The following TBCE variants were observed in gnomAD, a reference collection of about 807,000 sequenced individuals.
TBCE encodes tubulin-specific chaperone E.
Under a neutral mutation model 77.0 loss-of-function variants are expected in TBCE, and 53 were observed. That is an observed-to-expected ratio of 0.69 (90% CI 0.55 to 0.87). The LOEUF is 0.87. TBCE is among the 40% of genes least tolerant of loss of function. The pLI, the probability that TBCE is intolerant of heterozygous loss-of-function variation, is 0.00. For missense variants in TBCE, 624 were observed against 622.4 expected (o/e 1.00, Z -0.03); for synonymous variants, 235 against 241.3 (o/e 0.97, Z 0.24).
At chr1:235,390,501 C>T (rs1678312290) in intron 2 of TBCE, among the ~76,000 whole-genome samples, 3 of 152,082 alleles carry the variant, frequency 2.0e-5, no homozygotes, top group Admixed American at 2.0e-4. Flanking sequence ...CCTGTAGTCC[C>T]AGCACTTTGG....
intron 2 of TBCE, among the ~76,000 whole-genome samples, chr1:235,392,944 A>C (rs1678482817): frequency 6.6e-6 from 1 of 151,814 alleles, no homozygotes; most frequent in Non-Finnish European, 1.5e-5. Flanking sequence ...TGAGCCCATA[A>C]GTTCATGGCT....
At chr1:235,376,772 G>A (rs1011289623) in intron 1 of TBCE, among the ~76,000 whole-genome samples, 11 of 152,084 alleles carry the variant, frequency 7.2e-5, no homozygotes, top group African/African-American at 2.4e-4. Context: ...TCAGGAGTTT[G>A]AGACCAGCCT....
At chr1:235,406,969 G>A (rs1679473280) in intron 3 of TBCE, among the ~76,000 whole-genome samples, 1 of 151,372 alleles carries the variant, frequency 6.6e-6, no homozygotes, top group Admixed American at 6.6e-5. Flanking sequence ...TGAGTAGCTG[G>A]TATTATAGGA....
chr1:235,388,511 A>T (rs1476328100), intron 2 of TBCE, among the ~76,000 whole-genome samples: 1 of 151,324 alleles, frequency 6.6e-6, no homozygotes, highest in African/African-American at 2.4e-5. Context: ...CTGGTCTCGA[A>T]CTCCTGACCT....
At chr1:235,441,346 G>A (rs954249379) in intron 13 of TBCE, 5 of 227,240 alleles carry the variant, frequency 2.2e-5, no homozygotes, top group Non-Finnish European at 4.4e-5. Context: ...GCACGGTCTG[G>A]TGGAAACGTG....
At chr1:235,423,265 G>A (rs1680504201) in intron 5 of TBCE, among the ~76,000 whole-genome samples, 1 of 152,084 alleles carries the variant, frequency 6.6e-6, no homozygotes, top group Non-Finnish European at 1.5e-5. Context: ...GTGCCCAGGT[G>A]CTTGGCCTGT....
At chr1:235,392,797 T>C (rs939887480) in intron 2 of TBCE, among the ~76,000 whole-genome samples, 1 of 152,072 alleles carries the variant, frequency 6.6e-6, no homozygotes, top group Non-Finnish European at 1.5e-5. Flanking sequence ...TCCAAAGTGG[T>C]GTCCATTCTT....
chr1:235,377,122 A>G (rs1218407186), intron 1 of TBCE, among the ~76,000 whole-genome samples: 2 of 152,206 alleles, frequency 1.3e-5, no homozygotes, highest in African/African-American at 4.8e-5. Flanking sequence ...TAAATAGACA[A>G]AATTCAGCTC....
At chr1:235,435,290 G>A (rs1396514718) in intron 8 of TBCE, among the ~76,000 whole-genome samples, 1 of 151,944 alleles carries the variant, frequency 6.6e-6, no homozygotes, top group Admixed American at 6.6e-5. Context: ...TAGTAGAGAC[G>A]GGGTTTCACC....
chr1:235,447,374 C>CT (rs1682429741), intron 15 of TBCE, among the ~76,000 whole-genome samples: 1 of 152,178 alleles, frequency 6.6e-6, no homozygotes, highest in East Asian at 1.9e-4. Flanking sequence ...CAAGGAAACT[C>CT]TATTTCTTAT....
At chr1:235,434,738 A>G (rs1328139617) in intron 8 of TBCE, among the ~76,000 whole-genome samples, 2 of 151,804 alleles carry the variant, frequency 1.3e-5, no homozygotes, top group East Asian at 1.9e-4. Context: ...GGGTTTCACC[A>G]TCTTTTACGG....
chr1:235,449,313 T>C lies in TBCE; in HGVS notation c.*551T>C, dbSNP rs1475772519. The C allele has an allele frequency of 6.3e-6, 1 of 157,776 alleles. No homozygotes were observed. The highest frequency in any genetic ancestry group is 1.4e-5 in the Non-Finnish European group (1 of 71,960). 9.8% of individuals were successfully genotyped at this position (157,776 alleles called of 1,614,324 possible). On this transcript the variant is annotated 3_prime_UTR_variant, in exon 17 of 17. Coordinates refer to ENST00000642610, the MANE Select transcript of TBCE (RefSeq NM_003193.5). ...CCTACAATTATACCTAAGCTGAGTATATCTTCTTCTGTGATAACCAGCTTT... is the reference window on the plus strand; with the variant it reads ...CCTACAATTATACCTAAGCTGAGTACATCTTCTTCTGTGATAACCAGCTTT...
chr1:235,396,801 A>G (rs973541490), intron 2 of TBCE, among the ~76,000 whole-genome samples: 3 of 151,990 alleles, frequency 2.0e-5, no homozygotes, highest in African/African-American at 7.2e-5. Flanking sequence ...GTCTATTCAG[A>G]TCTTTTGCCC....
chr1:235,447,374 C>CTAT (rs1553341221), intron 15 of TBCE, among the ~76,000 whole-genome samples: 11 of 152,178 alleles, frequency 7.2e-5, no homozygotes, highest in African/African-American at 2.7e-4. Context: ...CAAGGAAACT[C>CTAT]TATTTCTTAT....
chr1:235,448,918 C>CATTTCTAGGCTTATACATA lies in TBCE; in HGVS notation c.*159_*177dup, dbSNP rs964849747. On this transcript the variant is annotated 3_prime_UTR_variant, in exon 17 of 17. Transcript: ENST00000642610. ...GATGTATTTTTTGTTGGGAAGTGAC[C>CATTTCTAGGCTTATACATA]ATTTCTAGGCTTATACATAATAGCA... 1 of 648,150 alleles carries CATTTCTAGGCTTATACATA rather than the reference C, an allele frequency of 1.5e-6. No homozygotes were observed. Among genetic ancestry groups the CATTTCTAGGCTTATACATA allele is most frequent in the African/African-American group, 1.8e-5 (1 of 55,252 alleles). The allele number at this position is 648,150 out of a possible 1,614,324, so 40.1% of individuals were successfully genotyped here.
chr1:235,391,018 TG>T (rs1236066285), intron 2 of TBCE, among the ~76,000 whole-genome samples: 5 of 152,246 alleles, frequency 3.3e-5, no homozygotes, highest in South Asian at 4.1e-4. Flanking sequence ...GGCCACAGTA[TG>T]GGCTGCAGCG....
In TBCE at chr1:235,401,559, C is replaced by A; in HGVS notation, c.157C>A (p.His53Asn). The A allele has an allele frequency of 6.2e-7, 1 of 1,613,736 alleles. No homozygotes were observed. The highest frequency in any genetic ancestry group is 1.7e-4 in the Middle Eastern group (1 of 6,056). The change falls in exon 3 of 17, where the codon CAC (histidine) becomes AAC (asparagine). Residue 53 changes from histidine (H) to asparagine (N), a missense_variant. Coordinates refer to ENST00000642610, the MANE Select transcript of TBCE (RefSeq NM_003193.5). ...NPERGKHDGS[H>N]EGTVYFKCRH... ...CGAGAGAGGAAAGCATGATGGGAGC[C>A]ACGAAGGGACTGTGTATTTTAAATG...
intron 15 of TBCE, among the ~76,000 whole-genome samples, chr1:235,445,996 A>G (rs1682243357): frequency 6.6e-6 from 1 of 152,154 alleles, no homozygotes; most frequent in Non-Finnish European, 1.5e-5. Flanking sequence ...TAAATTCATT[A>G]AAATAAAATA....
Position 235,392,414 on chromosome 1 carries a change from T to C in TBCE, c.101-9089T>C, listed in dbSNP as rs948826343. On this transcript the variant is annotated intron_variant, in intron 2 of 16. Transcript: ENST00000642610. ...TGCTGAACAGAATTTTTTTTTTTTTTTTTTTTTTTTTTTTAGACAGAGTCT... is the reference window on the plus strand; with the variant it reads ...TGCTGAACAGAATTTTTTTTTTTTTCTTTTTTTTTTTTTTAGACAGAGTCT... Among the ~76,000 whole-genome samples, 641 of 148,792 alleles carry C rather than the reference T, an allele frequency of 4.3e-3. 8 individuals carry two copies. Among genetic ancestry groups the C allele is most frequent in the African/African-American group, 0.015 (604 of 40,772 alleles).
Sources: gnomAD v4.1 joint callset for allele counts (sites outside exome capture counted in the v4.1 genomes callset) on GRCh38, gnomAD v4.1.1 for gene constraint, MANE v1.5 for transcripts, NCBI Gene and HGNC (gene_info 2026-07-23, HGNC 2026-07-21) for gene names.